The following LRRC37A2 variants were observed in gnomAD, a reference collection of about 807,000 sequenced individuals.
LRRC37A2 encodes leucine-rich repeat-containing protein 37A2.
Under a neutral mutation model 68.8 loss-of-function variants are expected in LRRC37A2, and 9 were observed. That is an observed-to-expected ratio of 0.13 (90% CI 0.08 to 0.23). The LOEUF is 0.23. Among genes scored for constraint, LRRC37A2 ranks in the 10% least tolerant of loss-of-function variants. The pLI is 1.00. For missense variants in LRRC37A2, 168 were observed against 950.4 expected (o/e 0.18, Z 10.82); for synonymous variants, 63 against 367.6 (o/e 0.17, Z 9.48).
At chr17:46,894,576 T>G in the LRRC37A2 span, among the ~76,000 whole-genome samples, 1,069 of 152,312 alleles carry the variant, frequency 7.0e-3, 9 homozygotes, top group African/African-American at 0.023. Flanking sequence ...GTGCCGGCAC[T>G]GCGGGGGTCC....
the LRRC37A2 span, among the ~76,000 whole-genome samples, chr17:46,862,163 CAAAA>C: frequency 3.7e-5 from 3 of 80,332 alleles, no homozygotes; most frequent in African/African-American, 1.0e-4. Context: ...AACTCCGTCT[CAAAA>C]AAAAAAAAAA....
the LRRC37A2 span, among the ~76,000 whole-genome samples, chr17:46,992,964 C>T: frequency 5.3e-5 from 8 of 151,670 alleles, no homozygotes; most frequent in African/African-American, 1.7e-4. Flanking sequence ...GCATGTGACT[C>T]CTTTCTGGTA....
the LRRC37A2 span, among the ~76,000 whole-genome samples, chr17:46,824,470 A>G: frequency 1.3e-5 from 2 of 152,218 alleles, no homozygotes; most frequent in Non-Finnish European, 2.9e-5. Flanking sequence ...GCTGGTCTTG[A>G]ACTCCTGACC....
At chr17:46,805,789 T>C in the LRRC37A2 span, among the ~76,000 whole-genome samples, 1 of 152,030 alleles carries the variant, frequency 6.6e-6, no homozygotes, top group African/African-American at 2.4e-5. Context: ...GATATTCACA[T>C]CCCCAGGAAG....
chr17:46,568,509 A>AG, the LRRC37A2 span, among the ~76,000 whole-genome samples: 1 of 120,368 alleles, frequency 8.3e-6, no homozygotes, highest in African/African-American at 3.3e-5. Flanking sequence ...AAAAAAAAAA[A>AG]AAAGAGGGGG....
At chr17:47,000,071 AAATAAAAAATAAAAT>A in the LRRC37A2 span, among the ~76,000 whole-genome samples, 12,537 of 67,208 alleles carry the variant, frequency 0.19, 2,755 homozygotes, top group Admixed American at 0.29. Flanking sequence ...AATTAAAATA[AAATAAAAAATAAAAT>A]AAAATAAAAT....
chr17:46,972,857 A>G, the LRRC37A2 span, among the ~76,000 whole-genome samples: 2 of 152,120 alleles, frequency 1.3e-5, no homozygotes, highest in African/African-American at 4.8e-5. Flanking sequence ...CACCTCTGCA[A>G]CTTCCTTAGC....
chr17:46,726,436 G>A, the LRRC37A2 span: 1 of 919,954 alleles, frequency 1.1e-6, no homozygotes, highest in Middle Eastern at 2.1e-4. Flanking sequence ...AGTCCAAAGT[G>A]TTGGTGTTTT....
the LRRC37A2 span, chr17:46,923,146 G>C: frequency 7.7e-7 from 1 of 1,305,000 alleles, no homozygotes; most frequent in South Asian, 1.3e-5. Context: ...GTGAGGACGT[G>C]TTCCGAGGAA....
the LRRC37A2 span, among the ~76,000 whole-genome samples, chr17:46,766,069 C>A: frequency 5.9e-5 from 9 of 152,232 alleles, no homozygotes; most frequent in Admixed American, 2.6e-4. Context: ...GGAAAAAAAA[C>A]ACTCATTGTC....
At chr17:46,904,187 G>T in the LRRC37A2 span, among the ~76,000 whole-genome samples, 5 of 150,426 alleles carry the variant, frequency 3.3e-5, no homozygotes, top group African/African-American at 4.9e-5. Flanking sequence ...TGGATGGGTG[G>T]CTGGTTAGCT....
At chr17:46,468,250 C>T in the LRRC37A2 span, among the ~76,000 whole-genome samples, 1 of 69,386 alleles carries the variant, frequency 1.4e-5, no homozygotes, top group East Asian at 2.6e-4. Context: ...TGTCCACATA[C>T]GTGATTTTTG....
At chr17:47,047,230 C>A in the LRRC37A2 span, 1 of 177,258 alleles carries the variant, frequency 5.6e-6, no homozygotes, top group South Asian at 3.6e-5. Flanking sequence ...AGCTGCATTG[C>A]AACAGTGCAT....
At chr17:46,853,416 G>C in the LRRC37A2 span, among the ~76,000 whole-genome samples, 5 of 128,146 alleles carry the variant, frequency 3.9e-5, no homozygotes, top group African/African-American at 1.5e-4. Flanking sequence ...CTGTCACCCA[G>C]GCTGGAGTGC....
chr17:46,837,124 G>A, the LRRC37A2 span, among the ~76,000 whole-genome samples: 5 of 152,106 alleles, frequency 3.3e-5, no homozygotes, highest in Non-Finnish European at 7.4e-5. Flanking sequence ...TGTATTTTTA[G>A]TAGAGATGGG....
the LRRC37A2 span, among the ~76,000 whole-genome samples, chr17:46,836,192 C>T: frequency 6.6e-6 from 1 of 151,156 alleles, no homozygotes; most frequent in African/African-American, 2.4e-5. Flanking sequence ...TCTTAAAATT[C>T]GCCTGATATT....
At chr17:47,001,185 C>T in the LRRC37A2 span, among the ~76,000 whole-genome samples, 1 of 152,172 alleles carries the variant, frequency 6.6e-6, no homozygotes, top group Non-Finnish European at 1.5e-5. Flanking sequence ...AGGCCCAAGT[C>T]TCAGCTCTAA....
chr17:46,542,808 C>A (rs1316786368), intron 8 of LRRC37A2, among the ~76,000 whole-genome samples: 33 of 150,720 alleles, frequency 2.2e-4, no homozygotes, highest in African/African-American at 7.7e-4. Flanking sequence ...CCACCAGCCC[C>A]CACAATATGG....
At chr17:46,786,125 G>A in the LRRC37A2 span, among the ~76,000 whole-genome samples, 15 of 149,626 alleles carry the variant, frequency 1.0e-4, no homozygotes, top group African/African-American at 3.7e-4. Context: ...GGAGGAGGGT[G>A]CGAGAGAGGG....
Sources: gnomAD v4.1 joint callset for allele counts (sites outside exome capture counted in the v4.1 genomes callset) on GRCh38, gnomAD v4.1.1 for gene constraint, MANE v1.5 for transcripts, NCBI Gene and HGNC (gene_info 2026-07-23, HGNC 2026-07-21) for gene names.